The following NFASC variants were observed in gnomAD, a reference collection of about 807,000 sequenced individuals.
NFASC encodes the protein neurofascin.
A neutral mutation model predicts 147.5 loss-of-function variants in NFASC; 43 were observed. The observed-to-expected ratio is 0.29, with a 90% confidence interval of 0.23 to 0.38. The LOEUF (loss-of-function observed/expected upper bound fraction) is 0.38. Among genes scored for constraint, NFASC ranks in the 10% least tolerant of loss-of-function variants. The probability of loss-of-function intolerance (pLI) is 1.00; values close to 1 mark genes in which losing one functional copy is unlikely to be tolerated. For missense variants in NFASC, 1,320 were observed against 1,689.0 expected (o/e 0.78, Z 3.83); for synonymous variants, 622 against 665.5 (o/e 0.93, Z 1.01).
intron 1 of NFASC, among the ~76,000 whole-genome samples, chr1:204,872,229 T>C (rs2077844568): frequency 6.6e-6 from 1 of 152,178 alleles, no homozygotes; most frequent in African/African-American, 2.4e-5. Context: ...CTCAACCCTA[T>C]GCACAAAGCA....
At chr1:204,977,020 C>T (rs1427523431) in intron 16 of NFASC, 9 of 1,299,506 alleles carry the variant, frequency 6.9e-6, no homozygotes, top group East Asian at 3.0e-5. Flanking sequence ...AACTTCCCCA[C>T]GTCTCAACTG....
chr1:204,863,281 C>G (rs186790138), intron 1 of NFASC, among the ~76,000 whole-genome samples: 1 of 152,178 alleles, frequency 6.6e-6, no homozygotes, highest in Non-Finnish European at 1.5e-5. Context: ...GGGGAAATAG[C>G]GCTTCTGAAA....
At chr1:204,988,375 A>G (rs565759014) in intron 22 of NFASC, among the ~76,000 whole-genome samples, 2 of 152,370 alleles carry the variant, frequency 1.3e-5, no homozygotes, top group African/African-American at 2.4e-5. Context: ...ATCTTTCTGA[A>G]TCAGCCACAT....
intron 1 of NFASC, among the ~76,000 whole-genome samples, chr1:204,894,027 G>A (rs1230412568): frequency 2.0e-5 from 3 of 152,148 alleles, no homozygotes; most frequent in Non-Finnish European, 2.9e-5. Flanking sequence ...AAGGACCCAG[G>A]CTTTTTTTGC....
At chr1:204,953,518 G>T (rs773041976) in intron 5 of NFASC, among the ~76,000 whole-genome samples, 1 of 152,100 alleles carries the variant, frequency 6.6e-6, no homozygotes, top group Admixed American at 6.5e-5. Flanking sequence ...GGATGGTCTC[G>T]ATCTCCTGAC....
rs57653534 is a variant in NFASC, at chr1:204,856,382, GGT to G, written c.-200+27636_-200+27637del. ...AAGTGCCAAGGAGAGATGCAGAACA[GGT>G]GTGTGTGTGTGTGTGTGTGTGTGTG... On this transcript the variant is annotated intron_variant, in intron 1 of 29. Coordinates refer to ENST00000339876, the MANE Select transcript of NFASC (RefSeq NM_001005388.3). 7.4e-3 allele frequency among the ~76,000 whole-genome samples: 1,031 copies of G among 139,754 alleles called. 10 individuals carry two copies. The highest frequency in any genetic ancestry group is 0.023 in the African/African-American group (849 of 37,382). The allele number at this position is 139,754 out of a possible 152,430, so 91.7% of individuals were successfully genotyped here.
intron 1 of NFASC, among the ~76,000 whole-genome samples, chr1:204,852,772 G>C (rs1191761869): frequency 6.6e-6 from 1 of 152,222 alleles, no homozygotes; most frequent in Non-Finnish European, 1.5e-5. Context: ...TGGGACTCTG[G>C]GGGTACTGCT....
At chr1:204,888,949 A>T (rs139972152) in intron 1 of NFASC, among the ~76,000 whole-genome samples, 34 of 152,228 alleles carry the variant, frequency 2.2e-4, no homozygotes, top group African/African-American at 8.2e-4. Flanking sequence ...TCTGCTTCTG[A>T]ATGATCCCAG....
chr1:204,874,891 A>G (rs1181073890), intron 1 of NFASC, among the ~76,000 whole-genome samples: 1 of 152,156 alleles, frequency 6.6e-6, no homozygotes, highest in African/African-American at 2.4e-5. Context: ...AGGTGGCATC[A>G]TACTTTCTGG....
rs773424226 is a variant in NFASC at position 205,020,757 on chromosome 1, G to C, written c.*4218G>C. The C allele has an allele frequency of 6.6e-6, 1 of 152,166 alleles. No homozygotes were observed. The highest frequency in any genetic ancestry group is 2.4e-5 in the African/African-American group (1 of 41,430). The allele number at this position is 152,166 out of a possible 1,614,324, so 9.4% of individuals were successfully genotyped here. On this transcript the variant is annotated 3_prime_UTR_variant, in exon 30 of 30. Coordinates refer to ENST00000339876, the MANE Select transcript of NFASC (RefSeq NM_001005388.3). ...ACTCTCTGAGGAGAGGAAGCCTCTC[G>C]GGCTTTCCGTCGGCTGGGGCTAGTG...
chr1:204,882,881 C>G (rs968752163), intron 1 of NFASC, among the ~76,000 whole-genome samples: 2 of 152,106 alleles, frequency 1.3e-5, no homozygotes, highest in African/African-American at 4.8e-5. Flanking sequence ...AGGATAGTGT[C>G]TCTCACACTG....
At chr1:204,935,257 A>G (rs1436364870) in intron 2 of NFASC, among the ~76,000 whole-genome samples, 2 of 152,210 alleles carry the variant, frequency 1.3e-5, no homozygotes, top group Non-Finnish European at 2.9e-5. Context: ...ATTGCCGTAA[A>G]GACAGTGTGG....
intron 1 of NFASC, among the ~76,000 whole-genome samples, chr1:204,838,921 AG>A (rs986733406): frequency 6.6e-6 from 1 of 152,236 alleles, no homozygotes; most frequent in Non-Finnish European, 1.5e-5. Flanking sequence ...GCCAAGCAAG[AG>A]GTAAGTAATA....
intron 1 of NFASC, among the ~76,000 whole-genome samples, chr1:204,831,185 A>C (rs1223339287): frequency 6.6e-6 from 1 of 152,020 alleles, no homozygotes; most frequent in Non-Finnish European, 1.5e-5. Flanking sequence ...AACAGTGTAC[A>C]TATTTCCCAG....
intron 1 of NFASC, among the ~76,000 whole-genome samples, chr1:204,839,924 C>T (rs1000214103): frequency 2.6e-5 from 4 of 152,126 alleles, no homozygotes; most frequent in African/African-American, 9.7e-5. Context: ...CCCATGATCA[C>T]CCAGGCCCCT....
rs1209418667 is a variant in NFASC at position 204,843,601 on chromosome 1, T to C, written c.-200+14819T>C. On this transcript the variant is annotated intron_variant, in intron 1 of 29. Transcript: ENST00000339876. ...CCTTCTTTCCTTCTTCCTTCCTTCCTTCCTTCCTTCCTTCCTTCCTTCCTT... is the reference window on the plus strand; with the variant it reads ...CCTTCTTTCCTTCTTCCTTCCTTCCCTCCTTCCTTCCTTCCTTCCTTCCTT... Among the ~76,000 whole-genome samples, 25 of 75,118 alleles carry C rather than the reference T, an allele frequency of 3.3e-4. No individual in the cohort carries two copies. The East Asian group carries it at 0.017, about 50-fold the overall frequency. 49.3% of individuals were successfully genotyped at this position (75,118 alleles called of 152,430 possible). A position where few individuals can be genotyped will look rare whatever the true frequency, so the allele number is the denominator to read the frequency against.
Position 204,991,761 on chromosome 1 carries a change from A to G in NFASC, c.2782+455A>G, listed in dbSNP as rs56046355. Among the ~76,000 whole-genome samples, 835 of 152,310 alleles carry G rather than the reference A, an allele frequency of 5.5e-3. 11 individuals are homozygous for G. Among genetic ancestry groups the G allele is most frequent in the South Asian group, 0.011 (54 of 4,834 alleles). On this transcript the variant is annotated intron_variant, in intron 24 of 29. Transcript: ENST00000339876. ...GGGCTGCCATCTCCTGAAAGGGTGA[A>G]CATGCTGTGCATGCCAGCTTCGCAT...
intron 1 of NFASC, among the ~76,000 whole-genome samples, chr1:204,834,979 A>C (rs979342540): frequency 5.3e-5 from 8 of 151,260 alleles, no homozygotes; most frequent in Non-Finnish European, 8.9e-5. Flanking sequence ...AATTATTCTC[A>C]TCATCATCAC....
intron 7 of NFASC, among the ~76,000 whole-genome samples, 155 bp downstream of exon 7, chr1:204,955,106 A>C (rs992588865): frequency 1.3e-5 from 2 of 152,206 alleles, no homozygotes; most frequent in South Asian, 4.1e-4. Context: ...GGCTCTGCAG[A>C]GAGAGGCTGC....
Sources: allele counts gnomAD v4.1 joint callset (sites outside exome capture counted in the v4.1 genomes callset), GRCh38; gene constraint gnomAD v4.1.1; transcripts MANE v1.5; gene names NCBI Gene and HGNC (gene_info 2026-07-23, HGNC 2026-07-21).